TXNDC5: variants seen among roughly 807,000 people sequenced by gnomAD.
The protein encoded by TXNDC5 is thioredoxin domain-containing protein 5.
Under a neutral mutation model 52.6 loss-of-function variants are expected in TXNDC5, and 44 were observed. That is an observed-to-expected ratio of 0.84 (90% CI 0.66 to 1.08). The LOEUF is 1.08. Ranked by LOEUF, TXNDC5 falls within the 50% of genes least tolerant of loss-of-function variation. The pLI, the probability that TXNDC5 is intolerant of heterozygous loss-of-function variation, is 0.00. For missense variants in TXNDC5, 600 were observed against 565.5 expected (o/e 1.06, Z -0.62); for synonymous variants, 241 against 234.4 (o/e 1.03, Z -0.26).
intron 1 of TXNDC5, chr6:7,909,999 T>G (rs115762983): frequency 3.0e-6 from 3 of 986,096 alleles, no homozygotes; most frequent in Non-Finnish European, 3.6e-6. Context: ...GGGGTGACAT[T>G]TGGACTCCCG....
intron 3 of TXNDC5, 100 bp from the exon 4 acceptor site, chr6:7,895,302 T>A: frequency 9.7e-7 from 1 of 1,030,892 alleles, no homozygotes; most frequent in Non-Finnish European, 1.4e-6. Context: ...TGCAGATGCC[T>A]CCCTCACCCA....
chr6:7,909,911 C>T (rs1048342028), intron 1 of TXNDC5: 2 of 985,974 alleles, frequency 2.0e-6, no homozygotes, highest in Admixed American at 6.1e-5. Flanking sequence ...CAAGGCCGCT[C>T]TGGTGAGTGC....
chr6:7,884,441 T>G lies in TXNDC5; in HGVS notation c.1094A>C (p.Lys365Thr), dbSNP rs767220167. Residue 365 changes from lysine to threonine, a missense_variant, in exon 9 of 10, where the codon AAA (lysine) becomes ACA (threonine). Lys to Thr is a moderately conservative substitution (Grantham distance 78). Coordinates refer to ENST00000379757, the MANE Select transcript of TXNDC5 (RefSeq NM_030810.5). ...TLAPTWEELS[K>T]KEFPGLAGVK... is the part of the protein sequence containing the mutation. ...CCCCGCCAGACCAGGGAATTCCTTTTTAGAGAGTTCCTCCCAAGTAGGAGC... is the reference window on the plus strand; with the variant it reads ...CCCCGCCAGACCAGGGAATTCCTTTGTAGAGAGTTCCTCCCAAGTAGGAGC... 6.2e-7 allele frequency: 1 copy of G among 1,614,114 alleles called. No individual in the cohort carries two copies. The highest frequency in any genetic ancestry group is 8.5e-7 in the Non-Finnish European group (1 of 1,179,990).
chr6:7,907,355 C>T (rs1380394814), intron 1 of TXNDC5, among the ~76,000 whole-genome samples: 1 of 152,164 alleles, frequency 6.6e-6, no homozygotes, highest in South Asian at 2.1e-4. Context: ...AACTCTGAGA[C>T]AGGCAGCTGC....
intron 1 of TXNDC5, among the ~76,000 whole-genome samples, chr6:7,906,535 CAA>C (rs1207193194): frequency 1.2e-4 from 5 of 42,568 alleles, no homozygotes; most frequent in African/African-American, 1.2e-4. Flanking sequence ...GACTCCATCT[CAA>C]AAAAAAAAAA....
Position 7,904,628 on chromosome 6 carries a change from TCCACTTTAG to T in TXNDC5, c.350_358del (p.Ala117_Val119del), listed in dbSNP as rs1327265435. The T allele has an allele frequency of 6.2e-7, 1 of 1,614,186 alleles. No homozygotes were observed. The highest frequency in any genetic ancestry group is 1.1e-5 in the South Asian group (1 of 91,082). On this transcript the variant is annotated inframe_deletion, in exon 2 of 10. Coordinates refer to ENST00000379757, the MANE Select transcript of TXNDC5 (RefSeq NM_030810.5). ...GCACACGTCGGAGTGGGCCGTGCAG[TCCACTTTAG>T]CCACATAGACTTTGGCATCTTCCAT...
intron 5 of TXNDC5, 75 bp from the exon 6 acceptor site, chr6:7,889,656 T>C (rs1760124250): frequency 1.8e-6 from 2 of 1,122,014 alleles, no homozygotes; most frequent in African/African-American, 1.5e-5. Flanking sequence ...ACTGGACACT[T>C]TGTACGTTAC....
rs762345665 is a variant in TXNDC5 at position 7,888,766 on chromosome 6, G to C, written c.902C>G (p.Ala301Gly). The change falls in exon 7 of 10, where the codon GCG becomes GGG. Residue 301 changes from alanine (A) to glycine (G), a missense_variant. Coordinates refer to ENST00000379757, the MANE Select transcript of TXNDC5 (RefSeq NM_030810.5). ...ESQLQRTETG[A>G]TETVTPSEAP... is the part of the protein sequence containing the mutation. ...CTCTGAGGGCGTGACGGTCTCCGTCGCTCCAGTCTCTGTGCGCTGCAGCTG... is the reference window on the plus strand; with the variant it reads ...CTCTGAGGGCGTGACGGTCTCCGTCCCTCCAGTCTCTGTGCGCTGCAGCTG... 2 of 1,614,102 alleles carry C rather than the reference G, an allele frequency of 1.2e-6. No homozygotes were observed. The highest frequency in any genetic ancestry group is 1.7e-5 in the Admixed American group (1 of 60,024).
intron 1 of TXNDC5, among the ~76,000 whole-genome samples, chr6:7,906,498 TG>T (rs1420091196): frequency 7.8e-6 from 1 of 128,362 alleles, no homozygotes; most frequent in East Asian, 2.7e-4. Context: ...ACCATGCTAT[TG>T]CACTCCAGCC....
rs1760127339 is a variant in TXNDC5, at chr6:7,889,733, T to C, written c.733-152A>G. 10 of 612,466 alleles carry C rather than the reference T, an allele frequency of 1.6e-5. No homozygotes were observed. In the South Asian group the frequency reaches 2.2e-4, roughly 14 times the overall value. 37.9% of individuals were successfully genotyped at this position (612,466 alleles called of 1,614,324 possible). A position where few individuals can be genotyped will look rare whatever the true frequency, so the allele number is the denominator to read the frequency against. On this transcript the variant is annotated intron_variant, in intron 5 of 9. Transcript: ENST00000379757. ...AGCAAGGTGCAGTTTTTGAAGAGAA[T>C]GTTCCTGAAAGCTATGCTAAAACAT...
chr6:7,903,409 A>G (rs1223533305), intron 2 of TXNDC5, among the ~76,000 whole-genome samples: 1 of 152,214 alleles, frequency 6.6e-6, no homozygotes, highest in Non-Finnish European at 1.5e-5. Context: ...CACATTTCCA[A>G]ATGGTAGGGA....
chr6:7,884,567 C>CT lies in TXNDC5; in HGVS notation c.1047-80dup, dbSNP rs1759893442. The CT allele has an allele frequency of 1.3e-5, 21 of 1,594,056 alleles. No homozygotes were observed. The South Asian group carries it at 2.2e-4, about 17-fold the overall frequency. ...CTACACTCTGCTGCCAAGACAAGCTCTGTTTCTTCTGTATGGGACAGTCAA... is the reference window on the plus strand; with the variant it reads ...CTACACTCTGCTGCCAAGACAAGCTCTTGTTTCTTCTGTATGGGACAGTCAA... On this transcript the variant is annotated intron_variant, in intron 8 of 9. Transcript: ENST00000379757.
intron 2 of TXNDC5, among the ~76,000 whole-genome samples, chr6:7,900,667 G>C (rs1457955559): frequency 6.6e-6 from 1 of 152,160 alleles, no homozygotes; most frequent in Admixed American, 6.5e-5. Flanking sequence ...AGAAACAACA[G>C]AATCTATTTC....
chr6:7,903,803 C>T (rs1760645960), intron 2 of TXNDC5, among the ~76,000 whole-genome samples: 1 of 152,350 alleles, frequency 6.6e-6, no homozygotes, highest in Non-Finnish European at 1.5e-5. Flanking sequence ...CTGCTTTTCC[C>T]TCCAACACTT....
chr6:7,893,862 C>G (rs1049166174), intron 4 of TXNDC5, among the ~76,000 whole-genome samples: 3 of 152,164 alleles, frequency 2.0e-5, no homozygotes, highest in Non-Finnish European at 4.4e-5. Flanking sequence ...GATTTCTCTC[C>G]ATGGTAGCAT....
chr6:7,888,658 G>GGGGCCAC, intron 7 of TXNDC5, 47 bp downstream of exon 7: 1 of 1,567,466 alleles, frequency 6.4e-7, no homozygotes, highest in East Asian at 2.3e-5. Context: ...TGGGGGGCCG[G>GGGGCCAC]GGGCCACGGG....
intron 3 of TXNDC5, among the ~76,000 whole-genome samples, chr6:7,898,504 G>A (rs1258726051): frequency 2.0e-5 from 3 of 152,206 alleles, no homozygotes; most frequent in African/African-American, 7.2e-5. Flanking sequence ...GCTCCAAAAG[G>A]ACCACCACAG....
chr6:7,898,640 C>T (rs1007255414), intron 3 of TXNDC5, among the ~76,000 whole-genome samples: 10 of 152,218 alleles, frequency 6.6e-5, no homozygotes, highest in Middle Eastern at 6.8e-3. Context: ...TGTAGGAACA[C>T]GAGTGTTTTT....
chr6:7,891,910 C>G (rs1225950), intron 4 of TXNDC5, among the ~76,000 whole-genome samples, 174 bp from the exon 5 acceptor site: 79,455 of 152,136 alleles, frequency 0.52, 23,394 homozygotes, highest in African/African-American at 0.78. Flanking sequence ...CTGTTCATGA[C>G]TTCATAACAA....
Sources: gnomAD v4.1 joint callset for allele counts (sites outside exome capture counted in the v4.1 genomes callset) on GRCh38, gnomAD v4.1.1 for gene constraint, MANE v1.5 for transcripts, NCBI Gene and HGNC (gene_info 2026-07-23, HGNC 2026-07-21) for gene names.